UBN2: variants seen among roughly 807,000 people sequenced by gnomAD.
The protein encoded by UBN2 is ubinuclein-2.
In UBN2, 35 loss-of-function variants were observed where a neutral mutation model predicts 120.2. That is an observed-to-expected ratio of 0.29 (90% confidence interval 0.22 to 0.39). UBN2 has a LOEUF of 0.39. Among genes scored for constraint, UBN2 ranks in the 10% least tolerant of loss-of-function variants. The probability of loss-of-function intolerance (pLI) is 1.00; values close to 1 mark genes in which losing one functional copy is unlikely to be tolerated. For missense variants in UBN2, 1,693 were observed against 1,663.2 expected (o/e 1.02, Z -0.31); for synonymous variants, 661 against 648.7 (o/e 1.02, Z -0.29).
At chr7:139,265,478 A>T (rs990023924) in intron 6 of UBN2, among the ~76,000 whole-genome samples, 2 of 151,494 alleles carry the variant, frequency 1.3e-5, no homozygotes, top group Non-Finnish European at 2.9e-5. Flanking sequence ...ACTCCGTCTC[A>T]AAAAAAAAGA....
intron 6 of UBN2, among the ~76,000 whole-genome samples, chr7:139,265,581 G>A (rs887395725): frequency 2.0e-5 from 3 of 152,140 alleles, no homozygotes; most frequent in Non-Finnish European, 4.4e-5. Flanking sequence ...GGTGGAATCT[G>A]TGTGTGTGTG....
chr7:139,253,172 A>G (rs1796666070), intron 3 of UBN2, among the ~76,000 whole-genome samples: 1 of 152,184 alleles, frequency 6.6e-6, no homozygotes, highest in Non-Finnish European at 1.5e-5. Context: ...ATTTATCTAC[A>G]CCCATTTGAT....
At chr7:139,263,377 TA>T (rs1173548848) in intron 6 of UBN2, among the ~76,000 whole-genome samples, 1 of 152,144 alleles carries the variant, frequency 6.6e-6, no homozygotes, top group Non-Finnish European at 1.5e-5. Flanking sequence ...TATTTTTTAG[TA>T]AATAAATATG....
Position 139,258,474 on chromosome 7 carries a change from G to GT in UBN2, c.664-8dup. ...AACAGGATATAGCGGAAACTTTTTT[G>GT]TTTTTTAATCTAGTATGATGAATTA... On this transcript the variant is annotated splice_polypyrimidine_tract_variant and intron_variant, in intron 3 of 17. Coordinates refer to ENST00000473989, the MANE Select transcript of UBN2 (RefSeq NM_173569.4). The GT allele has an allele frequency of 6.5e-7, 1 of 1,532,044 alleles. No homozygotes were observed. The highest frequency in any genetic ancestry group is 8.8e-7 in the Non-Finnish European group (1 of 1,136,982). 94.9% of individuals were successfully genotyped at this position (1,532,044 alleles called of 1,614,324 possible).
the UBN2 span, among the ~76,000 whole-genome samples, chr7:139,321,147 A>C: frequency 1.3e-5 from 2 of 152,194 alleles, no homozygotes; most frequent in East Asian, 3.8e-4. Flanking sequence ...GTACTTCCAC[A>C]TTCTAAAGGC....
chr7:139,316,864 A>G, the UBN2 span, among the ~76,000 whole-genome samples: 1 of 151,628 alleles, frequency 6.6e-6, no homozygotes, highest in African/African-American at 2.4e-5. Flanking sequence ...TTCTTTTGTG[A>G]ACTATATTCC....
chr7:139,278,090 CATAT>C (rs1173537971), intron 12 of UBN2, among the ~76,000 whole-genome samples: 2 of 151,812 alleles, frequency 1.3e-5, no homozygotes, highest in African/African-American at 4.8e-5. Context: ...GTTCTAAAGC[CATAT>C]ATACATTACA....
At position 139,305,711 on chromosome 7, in the gene UBN2, C is replaced by G. The variant is rs1006217221; in HGVS notation, c.*7875C>G. On this transcript the variant is annotated 3_prime_UTR_variant, in exon 18 of 18. Transcript: ENST00000473989. Reference sequence around the variant, plus strand: ...ATTATTAGGGTCTCTGTGTCTAGGACTTACAGTCATCAGTGGTCATCACTG... The same window carrying G: ...ATTATTAGGGTCTCTGTGTCTAGGAGTTACAGTCATCAGTGGTCATCACTG... 2 of 152,182 alleles carry G rather than the reference C, an allele frequency of 1.3e-5. No individual in the cohort carries two copies. The highest frequency in any genetic ancestry group is 4.8e-5 in the African/African-American group (2 of 41,444). 9.4% of individuals were successfully genotyped at this position (152,182 alleles called of 1,614,324 possible).
At chr7:139,238,454 GTC>G (rs56213010) in intron 2 of UBN2, among the ~76,000 whole-genome samples, 13,531 of 152,062 alleles carry the variant, frequency 0.089, 1,067 homozygotes, top group Admixed American at 0.21. Context: ...CTAAGACAGA[GTC>G]TCTGTCACTC....
chr7:139,263,159 A>G (rs902638681), intron 6 of UBN2, among the ~76,000 whole-genome samples: 2 of 152,230 alleles, frequency 1.3e-5, no homozygotes, highest in Non-Finnish European at 2.9e-5. Context: ...TAATAAACCT[A>G]TGGATAATCA....
chr7:139,294,985 C>A (rs1413832536), intron 17 of UBN2, among the ~76,000 whole-genome samples: 2 of 152,214 alleles, frequency 1.3e-5, no homozygotes, highest in Middle Eastern at 3.2e-3. Flanking sequence ...CAGCAGTCTA[C>A]CTCCATAGAC....
intron 17 of UBN2, 138 bp downstream of exon 17, chr7:139,294,119 A>G: frequency 1.3e-6 from 1 of 755,306 alleles, no homozygotes; most frequent in South Asian, 1.7e-5. Context: ...CTCATTCCTC[A>G]TTAGCAACAG....
chr7:139,259,186 C>A, intron 4 of UBN2, 81 bp from the exon 5 acceptor site: 1 of 1,543,754 alleles, frequency 6.5e-7, no homozygotes, highest in Non-Finnish European at 8.7e-7. Flanking sequence ...TGAGAAAAAC[C>A]ACTGCTGATG....
chr7:139,277,475 A>G (rs1797479327), intron 12 of UBN2: 1 of 152,234 alleles, frequency 6.6e-6, no homozygotes, highest in South Asian at 2.1e-4. Context: ...AGAAAAGAAA[A>G]TGTTAAGAAA....
the UBN2 span, among the ~76,000 whole-genome samples, chr7:139,326,327 A>G: frequency 6.6e-6 from 1 of 152,208 alleles, no homozygotes; most frequent in Non-Finnish European, 1.5e-5. Flanking sequence ...ATGTACACAC[A>G]CACACGTTGA....
rs1367956313 is a variant in UBN2 at position 139,297,866 on chromosome 7, TTAGTTGAC to T, written c.*32_*39del. On this transcript the variant is annotated 3_prime_UTR_variant, in exon 18 of 18. Transcript: ENST00000473989. ...CCAGCAAGCAAAGGAGACGAAATGT[TTAGTTGAC>T]TGATGGAATCTACCTGATGGGAAAG... is the stretch of plus-strand genomic sequence containing the variant. The T allele has an allele frequency of 6.2e-7, 1 of 1,612,784 alleles. No homozygotes were observed. The highest frequency in any genetic ancestry group is 8.5e-7 in the Non-Finnish European group (1 of 1,178,852).
At chr7:139,293,575 T>G (rs549316162) in intron 16 of UBN2, 112 bp downstream of exon 16, 5 of 916,290 alleles carry the variant, frequency 5.5e-6, no homozygotes, top group South Asian at 1.9e-5. Flanking sequence ...GATTATAGTT[T>G]TTTTTTTTTT....
In UBN2 at chr7:139,297,906, T is replaced by C. The variant is rs1316712160; in HGVS notation, c.*70T>C. The C allele has an allele frequency of 2.8e-5, 43 of 1,532,174 alleles. No homozygotes were observed. In the Admixed American group the frequency reaches 5.4e-4, roughly 19 times the overall value. The allele number at this position is 1,532,174 out of a possible 1,614,324, so 94.9% of individuals were successfully genotyped here. ...AATCTACCTGATGGGAAAGTACTTA[T>C]GTGGTCATAGGGCTGCTGTTTCTGT... On this transcript the variant is annotated 3_prime_UTR_variant, in exon 18 of 18. Coordinates refer to ENST00000473989, the MANE Select transcript of UBN2 (RefSeq NM_173569.4).
At chr7:139,325,648 A>G in the UBN2 span, among the ~76,000 whole-genome samples, 1 of 152,156 alleles carries the variant, frequency 6.6e-6, no homozygotes, top group Non-Finnish European at 1.5e-5. Flanking sequence ...ACTCTGATGT[A>G]TACTCATTTT....
Sources: allele counts gnomAD v4.1 joint callset (sites outside exome capture counted in the v4.1 genomes callset), GRCh38; gene constraint gnomAD v4.1.1; transcripts MANE v1.5; gene names NCBI Gene and HGNC (gene_info 2026-07-23, HGNC 2026-07-21).